The following PCBP3 variants were observed in gnomAD, a reference collection of about 807,000 sequenced individuals.
PCBP3 encodes the protein poly(rC) binding protein 3, also known as poly(rC)-binding protein 3.
In PCBP3, 25 loss-of-function variants were observed where a neutral mutation model predicts 52.7. That is an observed-to-expected ratio of 0.47 (90% confidence interval 0.35 to 0.66). The LOEUF is 0.66. PCBP3 is among the 30% of genes least tolerant of loss of function. The probability of loss-of-function intolerance (pLI) is 0.01; values close to 1 mark genes in which losing one functional copy is unlikely to be tolerated. For missense variants in PCBP3, 391 were observed against 490.3 expected (o/e 0.80, Z 1.91); for synonymous variants, 162 against 183.0 (o/e 0.89, Z 0.93).
chr21:45,746,340 T>C (rs369710334), intron 3 of PCBP3, among the ~76,000 whole-genome samples: 1 of 736 alleles, frequency 1.4e-3, no homozygotes, highest in African/African-American at 0.016. Context: ...TGTCAGTCCA[T>C]TGACGTAGCG....
chr21:45,910,925 G>A lies in PCBP3; in HGVS notation c.495G>A (p.Val165=), dbSNP rs376886190. 9.8e-5 allele frequency: 157 copies of A among 1,609,976 alleles called. 2 individuals carry two copies. In the Middle Eastern group the frequency reaches 2.5e-3, roughly 25 times the overall value. Reference sequence around the variant, plus strand: ...AGTCCACAGGTGCCCAGGTGCAGGTGGCTGGGGACATGCTGCCCAACTCCA... The same window carrying A: ...AGTCCACAGGTGCCCAGGTGCAGGTAGCTGGGGACATGCTGCCCAACTCCA... ...IRESTGAQVQ[V]AGDMLPNSTE... Residue 165 remains valine, a synonymous_variant, in exon 11 of 18, where the codon GTG becomes GTA. Transcript: ENST00000681687.
intron 2 of PCBP3, among the ~76,000 whole-genome samples, chr21:45,670,965 T>C (rs1259245660): frequency 6.6e-6 from 1 of 152,160 alleles, no homozygotes; most frequent in Non-Finnish European, 1.5e-5. Flanking sequence ...TTCCTGTCAG[T>C]CCAGCTGGCA....
intron 3 of PCBP3, among the ~76,000 whole-genome samples, chr21:45,745,718 G>A (rs564894372): frequency 1.6e-4 from 25 of 152,220 alleles, no homozygotes; most frequent in Non-Finnish European, 2.9e-4. Context: ...CTGTCTTCAC[G>A]GAGAAAGGGA....
In PCBP3 at chr21:45,855,943, A is replaced by G. The variant is rs116821445; in HGVS notation, c.10+5848A>G. Among the ~76,000 whole-genome samples, 859 of 152,392 alleles carry G rather than the reference A, an allele frequency of 5.6e-3. 6 individuals carry two copies. The highest frequency in any genetic ancestry group is 0.02 in the African/African-American group (818 of 41,592). Reference sequence around the variant, plus strand: ...TACAAACCGTAACATCTCATGAGACAGGTTTTATTTAACCCAATATAACGT... The same window carrying G: ...TACAAACCGTAACATCTCATGAGACGGGTTTTATTTAACCCAATATAACGT... On this transcript the variant is annotated intron_variant, in intron 5 of 17. Transcript: ENST00000681687.
intron 4 of PCBP3, among the ~76,000 whole-genome samples, chr21:45,814,161 A>T (rs1237170311): frequency 6.6e-6 from 1 of 152,270 alleles, no homozygotes; most frequent in South Asian, 2.1e-4. Context: ...ACTTCGAAAC[A>T]TAGAAAAGGT....
rs1455315879 is a variant in PCBP3 at position 45,914,002 on chromosome 21, CCT to C, written c.653_654del (p.Pro218ArgfsTer79). The C allele has an allele frequency of 6.2e-7, 1 of 1,613,712 alleles. No individual in the cohort carries two copies. Among genetic ancestry groups the C allele is most frequent in the Non-Finnish European group, 8.5e-7 (1 of 1,179,934 alleles). ...IPYRPKPASTPVIFAGGQAYT... is the reference protein window; with the variant it reads ...IPYRPKPASTXVIFAGGQAYT... Reference sequence around the variant, plus strand: ...CTACCGCCCAAAGCCCGCCTCCACCCCTGTCATTTTTGCAGGTGGTCAGGTAA... The same window carrying C: ...CTACCGCCCAAAGCCCGCCTCCACCCGTCATTTTTGCAGGTGGTCAGGTAA... On this transcript the variant is annotated frameshift_variant, in exon 12 of 18. Transcript: ENST00000681687. LOFTEE classifies it high-confidence loss of function.
chr21:45,820,975 T>A (rs1377327205), intron 4 of PCBP3, among the ~76,000 whole-genome samples: 1 of 152,124 alleles, frequency 6.6e-6, no homozygotes, highest in Non-Finnish European at 1.5e-5. Flanking sequence ...CACACCTGTG[T>A]CTGAGGAGTG....
intron 4 of PCBP3, among the ~76,000 whole-genome samples, chr21:45,803,200 C>T (rs2092373672): frequency 6.6e-6 from 1 of 152,206 alleles, no homozygotes; most frequent in Admixed American, 6.5e-5. Flanking sequence ...GTCTGAGTGG[C>T]AGAGCCCACC....
In PCBP3 at chr21:45,737,948, C is replaced by T. The variant is rs190547744; in HGVS notation, c.-162+2519C>T. Among the ~76,000 whole-genome samples, 57 of 152,318 alleles carry T rather than the reference C, an allele frequency of 3.7e-4. No homozygotes were observed. The highest frequency in any genetic ancestry group is 2.5e-3 in the Admixed American group (38 of 15,306). On this transcript the variant is annotated intron_variant, in intron 3 of 17. Coordinates refer to ENST00000681687, the MANE Select transcript of PCBP3 (RefSeq NM_001384156.1). The surrounding 1 kb of genome is among the most constrained non-coding windows in gnomAD (Gnocchi z 4.9). ...GCACTTGGTTTTTCCATTCCCATGT[C>T]TTGGAGGACTCTTCCCCCTTCCTGA...
chr21:45,682,980 T>G lies in PCBP3; in HGVS notation c.-200+14028T>G, dbSNP rs1489104800. On this transcript the variant is annotated intron_variant, in intron 2 of 17. Transcript: ENST00000681687. ...GAGAAGAGTACCAAGAACCTAACCC[T>G]GGGTTTTCCAGTGAGGCCTGGGATA... 2.6e-5 allele frequency among the ~76,000 whole-genome samples: 4 copies of G among 152,100 alleles called. No homozygotes were observed. The East Asian group carries it at 7.7e-4, about 29-fold the overall frequency.
intron 4 of PCBP3, among the ~76,000 whole-genome samples, chr21:45,803,273 A>G (rs1265564038): frequency 2.0e-5 from 3 of 152,226 alleles, no homozygotes; most frequent in African/African-American, 4.8e-5. Context: ...GCAGCTGGCC[A>G]TGCTTTAAAA....
chr21:45,801,451 A>G (rs1603433435), intron 4 of PCBP3, among the ~76,000 whole-genome samples: 1 of 152,238 alleles, frequency 6.6e-6, no homozygotes, highest in Admixed American at 6.5e-5. Flanking sequence ...AGCCACAGGG[A>G]CAGGGCCACA....
chr21:45,903,442 C>T (rs868362805), intron 9 of PCBP3, among the ~76,000 whole-genome samples: 11 of 151,900 alleles, frequency 7.2e-5, no homozygotes, highest in South Asian at 4.2e-4. Context: ...GCAGAAAGAC[C>T]ATCAGCTGTC....
chr21:45,786,153 T>C (rs1193159383), intron 4 of PCBP3, among the ~76,000 whole-genome samples: 1 of 147,294 alleles, frequency 6.8e-6, no homozygotes, highest in Non-Finnish European at 1.5e-5. Flanking sequence ...AATAAATAAA[T>C]AAATCATATC....
chr21:45,857,806 A>G (rs940093372), intron 5 of PCBP3, among the ~76,000 whole-genome samples: 1 of 152,050 alleles, frequency 6.6e-6, no homozygotes. Context: ...TGTACCAGTG[A>G]CCAGAAAGCC....
intron 1 of PCBP3, among the ~76,000 whole-genome samples, chr21:45,652,107 C>T (rs2079723829): frequency 6.6e-6 from 1 of 152,210 alleles, no homozygotes. Context: ...TGTTCTCAGT[C>T]AACCCAGTAG....
In PCBP3 at chr21:45,901,100, A is replaced by G. The variant is rs144004650; in HGVS notation, c.326A>G (p.Tyr109Cys). The G allele has an allele frequency of 1.9e-6, 3 of 1,612,500 alleles. No individual in the cohort carries two copies. Among genetic ancestry groups the G allele is most frequent in the African/African-American group, 2.7e-5 (2 of 75,004 alleles). Residue 109 changes from tyrosine to cysteine, a missense_variant, in exon 9 of 18, where the codon TAC (tyrosine) becomes TGC (cysteine). Tyr to Cys is a radical substitution (Grantham distance 194). Coordinates refer to ENST00000681687, the MANE Select transcript of PCBP3 (RefSeq NM_001384156.1). ...AIFKAFAMIAYKFEEDIINSM... is the reference protein window; with the variant it reads ...AIFKAFAMIACKFEEDIINSM... ...TTCAAGGCCTTTGCCATGATCGCAT[A>G]CAAGTTTGAGGAGGTAACCTGCACC...
chr21:45,646,448 C>T (rs994519074), intron 1 of PCBP3, among the ~76,000 whole-genome samples: 1 of 151,922 alleles, frequency 6.6e-6, no homozygotes, highest in Non-Finnish European at 1.5e-5. Context: ...AAGAAAGTAC[C>T]AGTTTGTTTT....
intron 13 of PCBP3, among the ~76,000 whole-genome samples, chr21:45,923,542 C>T (rs1393741653): frequency 3.9e-5 from 6 of 152,146 alleles, no homozygotes; most frequent in Admixed American, 2.0e-4. Context: ...CTTCTCAGAA[C>T]GAGACTTTGC....
Sources: allele counts gnomAD v4.1 joint callset (sites outside exome capture counted in the v4.1 genomes callset), GRCh38; gene constraint gnomAD v4.1.1; non-coding constraint Gnocchi (gnomAD v3.1); transcripts MANE v1.5; gene names NCBI Gene and HGNC (gene_info 2026-07-23, HGNC 2026-07-21).